Variants in ADAMTS16 observed in about 807,000 individuals in gnomAD.
ADAMTS16 encodes the protein A disintegrin and metalloproteinase with thrombospondin motifs 16.
In ADAMTS16, 94 loss-of-function variants were observed where a neutral mutation model predicts 145.8. The observed-to-expected ratio is 0.64, with a 90% CI of 0.55 to 0.77. The LOEUF is 0.77. Among genes scored for constraint, ADAMTS16 ranks in the 30% least tolerant of loss-of-function variants. The pLI, the probability that ADAMTS16 is intolerant of heterozygous loss-of-function variation, is 0.00. For synonymous variants in ADAMTS16, 659 were observed against 604.3 expected, an observed-to-expected ratio of 1.09 and a Z score of -1.33; for missense variants, 1,585 against 1,591.5, an observed-to-expected ratio of 1.00 and a Z score of 0.07.
rs190858865 is a variant in ADAMTS16 at position 5,225,775 on chromosome 5, A to G, written c.1701+2891A>G. On this transcript the variant is annotated intron_variant, in intron 11 of 22. Transcript: ENST00000274181. Reference sequence around the variant, plus strand: ...CGTGAGTATAAAGAAAACATAGAGTAGAGGAAGCAGGCAAATATGCATTTG... The same window carrying G: ...CGTGAGTATAAAGAAAACATAGAGTGGAGGAAGCAGGCAAATATGCATTTG... Among the ~76,000 whole-genome samples the G allele has an allele frequency of 1.1e-3, 160 of 152,300 alleles. 2 individuals are homozygous for G. The highest frequency in any genetic ancestry group is 1.9e-4 in the East Asian group (1 of 5,180).
intron 2 of ADAMTS16, among the ~76,000 whole-genome samples, chr5:5,143,026 C>A (rs1047863970): frequency 6.6e-6 from 1 of 152,180 alleles, no homozygotes; most frequent in Non-Finnish European, 1.5e-5. Flanking sequence ...AAACTGGACC[C>A]TTCCTTACAC....
chr5:5,248,950 T>A (rs1737539547), intron 17 of ADAMTS16, among the ~76,000 whole-genome samples: 1 of 152,222 alleles, frequency 6.6e-6, no homozygotes, highest in Non-Finnish European at 1.5e-5. Context: ...TATCTGTCTA[T>A]CTGCTCATCT....
chr5:5,236,935 C>G (rs772195118), intron 13 of ADAMTS16, 34 bp from the exon 14 acceptor site: 1 of 1,578,700 alleles, frequency 6.3e-7, no homozygotes, highest in African/African-American at 1.4e-5. Flanking sequence ...AAGTATTTTT[C>G]TTATTTGTGT....
intron 4 of ADAMTS16, among the ~76,000 whole-genome samples, chr5:5,183,637 C>T (rs1047398359): frequency 6.6e-5 from 10 of 152,190 alleles, no homozygotes; most frequent in Non-Finnish European, 1.5e-4. Context: ...GAGAGGACTG[C>T]GATCCTTTCG....
intron 11 of ADAMTS16, among the ~76,000 whole-genome samples, chr5:5,225,079 G>A (rs1339753394): frequency 6.6e-6 from 1 of 151,892 alleles, no homozygotes; most frequent in Non-Finnish European, 1.5e-5. Context: ...AAATTACACA[G>A]CTGAACCATG....
chr5:5,267,323 G>C (rs1035804830), intron 18 of ADAMTS16, among the ~76,000 whole-genome samples: 6 of 152,192 alleles, frequency 3.9e-5, no homozygotes, highest in African/African-American at 1.4e-4. Context: ...CTTATCCCGA[G>C]GACAGAGGGC....
intron 3 of ADAMTS16, among the ~76,000 whole-genome samples, chr5:5,172,541 T>C (rs540113075): frequency 1.3e-5 from 2 of 152,298 alleles, no homozygotes; most frequent in South Asian, 4.1e-4. Flanking sequence ...CATGTGTTTG[T>C]ATGGTTTCCA....
At chr5:5,213,889 A>T (rs1479581112) in intron 10 of ADAMTS16, among the ~76,000 whole-genome samples, 1 of 152,098 alleles carries the variant, frequency 6.6e-6, no homozygotes, top group Non-Finnish European at 1.5e-5. Context: ...TACCGTTAGG[A>T]CCTGCAGCAA....
At chr5:5,174,375 T>C (rs926396904) in intron 3 of ADAMTS16, among the ~76,000 whole-genome samples, 3 of 152,154 alleles carry the variant, frequency 2.0e-5, no homozygotes, top group Non-Finnish European at 2.9e-5. Context: ...TTTTAGGATT[T>C]TTTTTTTCTT....
At chr5:5,246,425 T>A (rs1737446007) in intron 17 of ADAMTS16, among the ~76,000 whole-genome samples, 1 of 152,240 alleles carries the variant, frequency 6.6e-6, no homozygotes, top group Non-Finnish European at 1.5e-5. Context: ...TTTCTAGGGC[T>A]TAAGGTTTAA....
intron 3 of ADAMTS16, among the ~76,000 whole-genome samples, chr5:5,150,429 C>T (rs940215404): frequency 7.2e-5 from 11 of 152,180 alleles, no homozygotes; most frequent in African/African-American, 2.2e-4. Flanking sequence ...GGAATCATCA[C>T]GGGCCGGTGC....
chr5:5,281,075 A>G (rs1459973891), intron 18 of ADAMTS16, among the ~76,000 whole-genome samples: 2 of 152,272 alleles, frequency 1.3e-5, no homozygotes, highest in African/African-American at 4.8e-5. Context: ...AAAGAGAAGC[A>G]GAAATGTCCA....
intron 9 of ADAMTS16, among the ~76,000 whole-genome samples, chr5:5,203,639 A>G (rs148398558): frequency 7.0e-4 from 106 of 152,290 alleles, no homozygotes; most frequent in Non-Finnish European, 1.3e-3. Context: ...TTTTCCATTA[A>G]CCGACACAGA....
chr5:5,168,654 A>C (rs1464742794), intron 3 of ADAMTS16, among the ~76,000 whole-genome samples: 4 of 118,566 alleles, frequency 3.4e-5, no homozygotes, highest in Non-Finnish European at 6.6e-5. Context: ...TTATATTTAT[A>C]TATTATATTT....
intron 18 of ADAMTS16, among the ~76,000 whole-genome samples, chr5:5,296,703 G>A (rs956987413): frequency 3.3e-5 from 5 of 152,204 alleles, no homozygotes; most frequent in Non-Finnish European, 5.9e-5. Flanking sequence ...ATGTGCAGGT[G>A]TTTGAGAGCC....
At chr5:5,305,405 C>T (rs1177583981) in intron 20 of ADAMTS16, among the ~76,000 whole-genome samples, 3 of 99,554 alleles carry the variant, frequency 3.0e-5, no homozygotes, top group Non-Finnish European at 6.3e-5. Flanking sequence ...CACACACACA[C>T]ACACATCCCA....
At chr5:5,172,097 G>T (rs1016759255) in intron 3 of ADAMTS16, among the ~76,000 whole-genome samples, 1 of 151,980 alleles carries the variant, frequency 6.6e-6, no homozygotes, top group South Asian at 2.1e-4. Context: ...TGTCTGTAAT[G>T]TCTCCTTCGT....
At chr5:5,170,476 T>G (rs1246622433) in intron 3 of ADAMTS16, among the ~76,000 whole-genome samples, 1 of 152,082 alleles carries the variant, frequency 6.6e-6, no homozygotes. Context: ...CCTCCTGGGT[T>G]CAAGCGATTC....
chr5:5,243,529 T>C (rs1009385402), intron 17 of ADAMTS16, among the ~76,000 whole-genome samples: 1 of 152,228 alleles, frequency 6.6e-6, no homozygotes, highest in Non-Finnish European at 1.5e-5. Flanking sequence ...ACCATAACCA[T>C]GTTTTTATGG....
Sources: allele counts gnomAD v4.1 joint callset (sites outside exome capture counted in the v4.1 genomes callset), GRCh38; gene constraint gnomAD v4.1.1; transcripts MANE v1.5; gene names NCBI Gene and HGNC (gene_info 2026-07-23, HGNC 2026-07-21).